Variants in TMCC3 observed in about 807,000 individuals in gnomAD.
TMCC3 encodes the protein transmembrane and coiled-coil domain family 3.
In TMCC3, 28 loss-of-function variants were observed where a neutral mutation model predicts 40.2. The ratio of observed to expected loss-of-function variants is 0.70; its 90% CI spans 0.52 to 0.95. The LOEUF (loss-of-function observed/expected upper bound fraction) is 0.95, where lower values mean the gene tolerates loss of function less well. TMCC3 is among the 40% of genes least tolerant of loss of function. The pLI is 0.00. For synonymous variants in TMCC3, 255 were observed against 248.5 expected, an observed-to-expected ratio of 1.03 and a Z score of -0.25; for missense variants, 554 against 615.2, an observed-to-expected ratio of 0.90 and a Z score of 1.05.
intron 1 of TMCC3, among the ~76,000 whole-genome samples, chr12:94,591,692 T>C (rs1490290983): frequency 6.6e-6 from 1 of 152,164 alleles, no homozygotes; most frequent in African/African-American, 2.4e-5. Flanking sequence ...AGGTGGAGGT[T>C]GCAGTGAGCA....
intron 1 of TMCC3, among the ~76,000 whole-genome samples, chr12:94,627,077 G>C (rs934481590): frequency 3.9e-5 from 6 of 152,016 alleles, no homozygotes; most frequent in Admixed American, 2.0e-4. Flanking sequence ...GGCCAGGCTG[G>C]TCTCGAACTC....
chr12:94,645,282 C>A (rs1424536100), intron 1 of TMCC3, among the ~76,000 whole-genome samples: 1 of 152,192 alleles, frequency 6.6e-6, no homozygotes, highest in Non-Finnish European at 1.5e-5. Flanking sequence ...CAAGGAGGCA[C>A]AAAATGCTAG....
chr12:94,650,020 T>TGGCGGGATTCCCTCGCGGAGC (rs1372468753), intron 1 of TMCC3, among the ~76,000 whole-genome samples: 13 of 152,002 alleles, frequency 8.6e-5, no homozygotes, highest in African/African-American at 3.1e-4. Flanking sequence ...GGTGGCCGGG[T>TGGCGGGATTCCCTCGCGGAGC]GGCGGGATTC....
intron 1 of TMCC3, among the ~76,000 whole-genome samples, chr12:94,610,525 T>TG (rs2068809692): frequency 6.6e-6 from 1 of 152,058 alleles, no homozygotes; most frequent in African/African-American, 2.4e-5. Flanking sequence ...GATTCTTCTA[T>TG]GCTGCTTCTA....
chr12:94,584,387 G>A (rs1194172964), intron 1 of TMCC3, among the ~76,000 whole-genome samples: 7 of 152,136 alleles, frequency 4.6e-5, no homozygotes, highest in Non-Finnish European at 1.0e-4. Flanking sequence ...ACCAGAGGAA[G>A]CCATGCTTCC....
intron 1 of TMCC3, among the ~76,000 whole-genome samples, chr12:94,618,374 C>T (rs1297308609): frequency 6.6e-6 from 1 of 152,236 alleles, no homozygotes; most frequent in African/African-American, 2.4e-5. Flanking sequence ...TCCATTCACC[C>T]ATAGCCCAGT....
intron 1 of TMCC3, among the ~76,000 whole-genome samples, chr12:94,631,817 G>A (rs138709443): frequency 1.5e-3 from 223 of 152,270 alleles, no homozygotes; most frequent in African/African-American, 5.0e-3. Flanking sequence ...CTTTCTAACT[G>A]TGGAAACTGA....
At position 94,598,327 on chromosome 12, in the gene TMCC3, C is replaced by A. The variant is rs930737742; in HGVS notation, c.79-15789G>T. Among the ~76,000 whole-genome samples the A allele has an allele frequency of 7.2e-5, 11 of 152,042 alleles. No individual in the cohort carries two copies. In the East Asian group the frequency reaches 1.9e-3, roughly 27 times the overall value. On this transcript the variant is annotated intron_variant, in intron 1 of 3. Coordinates refer to ENST00000261226, the MANE Select transcript of TMCC3 (RefSeq NM_020698.4). ...CATACATATACCTGTTTCCTTTAAC[C>A]CCTAAAGCCCCTCAAATCTACTTAG...
intron 1 of TMCC3, among the ~76,000 whole-genome samples, chr12:94,604,771 T>C (rs1437198576): frequency 7.5e-6 from 1 of 133,878 alleles, no homozygotes; most frequent in Non-Finnish European, 1.5e-5. Context: ...GCCATTGCAC[T>C]TCAGCCTAAG....
intron 1 of TMCC3, among the ~76,000 whole-genome samples, chr12:94,593,090 G>A (rs372114777): frequency 6.6e-6 from 1 of 151,164 alleles, no homozygotes. Context: ...CCAGCTAATC[G>A]AAAGGCTGCG....
chr12:94,629,838 C>T (rs962880200), intron 1 of TMCC3, among the ~76,000 whole-genome samples: 1 of 152,192 alleles, frequency 6.6e-6, no homozygotes, highest in East Asian at 1.9e-4. Flanking sequence ...GCTGATCATT[C>T]AAATTTCGAA....
intron 1 of TMCC3, among the ~76,000 whole-genome samples, chr12:94,647,312 A>G (rs2069025182): frequency 6.6e-6 from 1 of 152,208 alleles, no homozygotes; most frequent in East Asian, 1.9e-4. Context: ...GTCCACCTAG[A>G]TGTAAAAATA....
chr12:94,620,386 T>G (rs1379296049), intron 1 of TMCC3, among the ~76,000 whole-genome samples: 1 of 151,420 alleles, frequency 6.6e-6, no homozygotes, highest in Non-Finnish European at 1.5e-5. Context: ...CTCCCAAGTT[T>G]AAGCGGTTCT....
chr12:94,593,543 G>A (rs545042224), intron 1 of TMCC3, among the ~76,000 whole-genome samples: 2 of 151,726 alleles, frequency 1.3e-5, no homozygotes, highest in South Asian at 4.2e-4. Context: ...ATTTGGAACA[G>A]GGGCTAGAAT....
chr12:94,637,245 T>A (rs1242242720), intron 1 of TMCC3, among the ~76,000 whole-genome samples: 1 of 152,212 alleles, frequency 6.6e-6, no homozygotes, highest in Non-Finnish European at 1.5e-5. Flanking sequence ...TATAGTTACA[T>A]AAAATGCAAT....
At chr12:94,642,215 T>C (rs1191549188) in intron 1 of TMCC3, among the ~76,000 whole-genome samples, 1 of 152,236 alleles carries the variant, frequency 6.6e-6, no homozygotes, top group Non-Finnish European at 1.5e-5. Context: ...GAAGATGGTA[T>C]AATGGTTAGT....
At chr12:94,571,842 GC>G (rs2068531222) in intron 3 of TMCC3, 105 bp from the exon 4 acceptor site, 1 of 1,184,050 alleles carries the variant, frequency 8.4e-7, no homozygotes, top group Non-Finnish European at 1.2e-6. Context: ...AAAGCCCAAT[GC>G]CCAGGCGGCT....
At chr12:94,647,499 C>T (rs1166095057) in intron 1 of TMCC3, among the ~76,000 whole-genome samples, 4 of 152,230 alleles carry the variant, frequency 2.6e-5, no homozygotes. Context: ...TCTTTGCCCA[C>T]TTCTAGGCAG....
chr12:94,637,262 G>T (rs2068965358), intron 1 of TMCC3, among the ~76,000 whole-genome samples: 2 of 152,168 alleles, frequency 1.3e-5, no homozygotes, highest in Admixed American at 6.5e-5. Flanking sequence ...CAATCATTGG[G>T]AGAAGCTGGG....
Sources: allele counts gnomAD v4.1 joint callset (sites outside exome capture counted in the v4.1 genomes callset), GRCh38; gene constraint gnomAD v4.1.1; transcripts MANE v1.5; gene names NCBI Gene and HGNC (gene_info 2026-07-23, HGNC 2026-07-21).